KCNK9: variants seen among roughly 807,000 people sequenced by gnomAD.
The protein encoded by KCNK9 is potassium channel subfamily K member 9.
In KCNK9, 1 loss-of-function variant was observed where a neutral mutation model predicts 10.8. That is an observed-to-expected ratio of 0.09 (90% confidence interval 0.03 to 0.44). KCNK9 has a LOEUF of 0.44. Ranked by LOEUF, KCNK9 falls within the 20% of genes least tolerant of loss-of-function variation. The probability of loss-of-function intolerance (pLI) is 0.97; values close to 1 mark genes in which losing one functional copy is unlikely to be tolerated. For missense variants in KCNK9, 303 were observed against 515.0 expected (o/e 0.59, Z 3.98); for synonymous variants, 231 against 222.7 (o/e 1.04, Z -0.33).
intron 1 of KCNK9, among the ~76,000 whole-genome samples, chr8:139,628,199 C>A (rs944698581): frequency 6.6e-6 from 1 of 152,254 alleles, no homozygotes; most frequent in East Asian, 1.9e-4. Flanking sequence ...GTGAGACCCA[C>A]AACATACACG....
chr8:139,610,299 C>T (rs1814380928), downstream of KCNK9, among the ~76,000 whole-genome samples: 1 of 152,178 alleles, frequency 6.6e-6, no homozygotes, highest in African/African-American at 2.4e-5. Context: ...GTGAGGGGAA[C>T]AAGTGCCCAC....
At chr8:139,697,360 TGG>T (rs1817087538) in intron 1 of KCNK9, among the ~76,000 whole-genome samples, 2 of 23,764 alleles carry the variant, frequency 8.4e-5, no homozygotes, top group African/African-American at 3.9e-4. Context: ...GATGGATGGA[TGG>T]ATGGATGGAT....
intron 1 of KCNK9, among the ~76,000 whole-genome samples, chr8:139,657,858 G>A (rs1002933857): frequency 2.6e-5 from 4 of 152,150 alleles, no homozygotes; most frequent in East Asian, 1.9e-4. Context: ...CTATCCCAGC[G>A]GTCCCCACCC....
chr8:139,651,867 C>T (rs1370755562), intron 1 of KCNK9, among the ~76,000 whole-genome samples: 3 of 152,248 alleles, frequency 2.0e-5, no homozygotes, highest in African/African-American at 7.2e-5. Flanking sequence ...CTAAGGGACT[C>T]TTTGATCTGG....
chr8:139,656,276 C>T (rs1450259898), intron 1 of KCNK9, among the ~76,000 whole-genome samples: 3 of 152,194 alleles, frequency 2.0e-5, no homozygotes, highest in Admixed American at 6.5e-5. Flanking sequence ...CCAGGAGCAG[C>T]CCGAGCAGAG....
At chr8:139,638,331 A>G (rs1815398635) in intron 1 of KCNK9, among the ~76,000 whole-genome samples, 1 of 152,196 alleles carries the variant, frequency 6.6e-6, no homozygotes, top group African/African-American at 2.4e-5. Context: ...TACCAAGCCT[A>G]TGTCAATCAG....
chr8:139,681,576 G>C (rs1816688943), intron 1 of KCNK9, among the ~76,000 whole-genome samples: 2 of 152,204 alleles, frequency 1.3e-5, no homozygotes, highest in African/African-American at 2.4e-5. Context: ...CTTGGGAGCT[G>C]GAACAAGGGT....
intron 1 of KCNK9, among the ~76,000 whole-genome samples, chr8:139,685,679 T>C (rs1816774947): frequency 6.6e-6 from 1 of 152,242 alleles, no homozygotes; most frequent in African/African-American, 2.4e-5. Context: ...ATTTATTCTA[T>C]TATTGATGGA....
At chr8:139,645,649 C>A (rs1815653084) in intron 1 of KCNK9, among the ~76,000 whole-genome samples, 1 of 152,020 alleles carries the variant, frequency 6.6e-6, no homozygotes, top group Admixed American at 6.5e-5. Flanking sequence ...CACTCTAGAG[C>A]CCTGCACCTG....
chr8:139,609,787 A>G (rs564148963), downstream of KCNK9, among the ~76,000 whole-genome samples: 3 of 151,908 alleles, frequency 2.0e-5, no homozygotes, highest in South Asian at 2.1e-4. Flanking sequence ...GTGTTGGGGG[A>G]GGTGGAGGGG....
intron 1 of KCNK9, among the ~76,000 whole-genome samples, chr8:139,643,582 A>G (rs1201486919): frequency 6.6e-6 from 1 of 152,194 alleles, no homozygotes; most frequent in African/African-American, 2.4e-5. Context: ...GTCAACAGCT[A>G]CAGCCATGAT....
Position 139,617,530 on chromosome 8 carries a change from C to A in KCNK9, c.*728G>T, listed in dbSNP as rs1210854080. On this transcript the variant is annotated 3_prime_UTR_variant, in exon 2 of 2. Transcript: ENST00000520439. ...GTTTGGGTCGTCTTGCCCACCCGCCCCTAAAAAACATTAATATAATTTAGA... is the reference window on the plus strand; with the variant it reads ...GTTTGGGTCGTCTTGCCCACCCGCCACTAAAAAACATTAATATAATTTAGA... Among the ~76,000 whole-genome samples, 1 of 152,060 alleles carries A rather than the reference C, an allele frequency of 6.6e-6. No homozygotes were observed.
chr8:139,677,817 C>T (rs1214844771), intron 1 of KCNK9, among the ~76,000 whole-genome samples: 7 of 119,040 alleles, frequency 5.9e-5, no homozygotes, highest in African/African-American at 1.6e-4. Context: ...CCCAGCCCAA[C>T]AGGTCCCCAC....
At chr8:139,608,065 C>A (rs1358286925), downstream of KCNK9, among the ~76,000 whole-genome samples, 5 of 151,028 alleles carry the variant, frequency 3.3e-5, no homozygotes, top group Non-Finnish European at 5.9e-5. Flanking sequence ...AGACTCATGG[C>A]TGAAGCTTAC....
downstream of KCNK9, among the ~76,000 whole-genome samples, chr8:139,612,929 C>T (rs995838246): frequency 3.3e-5 from 5 of 152,090 alleles, no homozygotes; most frequent in African/African-American, 9.7e-5. Flanking sequence ...GTGATGGGGA[C>T]GTCCTATTTG....
intron 1 of KCNK9, among the ~76,000 whole-genome samples, chr8:139,688,433 T>G (rs1816867040): frequency 1.3e-5 from 2 of 151,992 alleles, no homozygotes; most frequent in South Asian, 4.1e-4. Flanking sequence ...AAAGAGTGAG[T>G]GCAAGAACGA....
chr8:139,641,087 G>A (rs1020660626), intron 1 of KCNK9, among the ~76,000 whole-genome samples: 1 of 152,242 alleles, frequency 6.6e-6, no homozygotes, highest in Non-Finnish European at 1.5e-5. Context: ...CTGGCACGAG[G>A]AGGTGAGGCA....
intron 2 of KCNK9, among the ~76,000 whole-genome samples, chr8:139,604,660 G>A (rs1219253962): frequency 2.0e-5 from 3 of 152,150 alleles, no homozygotes; most frequent in African/African-American, 4.8e-5. Context: ...AAAGGAACAC[G>A]GAACACCCCG....
At chr8:139,640,932 G>A (rs1352980257) in intron 1 of KCNK9, among the ~76,000 whole-genome samples, 4 of 152,246 alleles carry the variant, frequency 2.6e-5, no homozygotes, top group African/African-American at 7.2e-5. Context: ...ATTATTGAAT[G>A]CATCAGTCAG....
Sources: gnomAD v4.1 joint callset for allele counts (sites outside exome capture counted in the v4.1 genomes callset) on GRCh38, gnomAD v4.1.1 for gene constraint, MANE v1.5 for transcripts, NCBI Gene and HGNC (gene_info 2026-07-23, HGNC 2026-07-21) for gene names.